Variants in FAM167A observed in about 807,000 individuals in gnomAD.
FAM167A encodes protein FAM167A.
FAM167A carries 23 observed loss-of-function variants against 14.9 expected under a neutral mutation model. That is an observed-to-expected ratio of 1.55 (90% CI 1.11 to 2.19). FAM167A has a LOEUF of 2.19. Ranked by LOEUF, FAM167A falls within the 30% of genes most tolerant of loss-of-function variation. FAM167A has a pLI of 0.00. For synonymous variants in FAM167A, 174 were observed against 117.7 expected (o/e 1.48, Z -3.10); for missense variants, 401 against 281.5 (o/e 1.42, Z -3.04).
At chr8:11,471,174 G>A (rs1248794192), upstream of FAM167A, among the ~76,000 whole-genome samples, 1 of 152,208 alleles carries the variant, frequency 6.6e-6, no homozygotes, top group African/African-American at 2.4e-5. Context: ...CTTCAGCTAG[G>A]AGAGGTGCCC....
chr8:11,435,882 G>A (rs910445683), intron 2 of FAM167A, among the ~76,000 whole-genome samples: 1 of 152,212 alleles, frequency 6.6e-6, no homozygotes, highest in African/African-American at 2.4e-5. Flanking sequence ...ACAGGACATC[G>A]AGTTCCGGAA....
At chr8:11,439,902 T>C (rs945166831) in intron 2 of FAM167A, among the ~76,000 whole-genome samples, 1 of 151,856 alleles carries the variant, frequency 6.6e-6, no homozygotes, top group African/African-American at 2.4e-5. Context: ...TCCCAGGGAG[T>C]TGGCTGATGG....
At chr8:11,456,428 A>AGTG (rs1563387496) in intron 1 of FAM167A, among the ~76,000 whole-genome samples, 3 of 18,346 alleles carry the variant, frequency 1.6e-4, no homozygotes, top group East Asian at 1.4e-3. Flanking sequence ...TGCTGGGTGT[A>AGTG]TGAGTGTGTG....
At chr8:11,433,542 A>G (rs1308526548) in intron 2 of FAM167A, among the ~76,000 whole-genome samples, 1 of 152,192 alleles carries the variant, frequency 6.6e-6, no homozygotes, top group Non-Finnish European at 1.5e-5. Flanking sequence ...AGATTTCTGG[A>G]TGCATCTTTA....
exon 1 of FAM167A, among the ~76,000 whole-genome samples, chr8:11,475,899 A>G (rs1474952505): frequency 6.6e-6 from 1 of 152,164 alleles, no homozygotes; most frequent in Non-Finnish European, 1.5e-5. Flanking sequence ...TTATCCTCCC[A>G]GTAGACTACG....
intron 2 of FAM167A, among the ~76,000 whole-genome samples, chr8:11,434,365 G>A (rs539456329): frequency 6.6e-6 from 1 of 152,162 alleles, no homozygotes; most frequent in African/African-American, 2.4e-5. Context: ...GAGGGGGGCA[G>A]GTGCAATGGC....
intron 1 of FAM167A, among the ~76,000 whole-genome samples, chr8:11,461,538 C>A (rs536726377): frequency 6.6e-6 from 1 of 152,310 alleles, no homozygotes; most frequent in South Asian, 2.1e-4. Context: ...CAGGCCGGTA[C>A]CCTGGCTATA....
intron 2 of FAM167A, among the ~76,000 whole-genome samples, chr8:11,432,359 C>G (rs1349480040): frequency 1.3e-5 from 2 of 152,184 alleles, no homozygotes; most frequent in African/African-American, 4.8e-5. Flanking sequence ...CTACAAAGAA[C>G]TTAAACAAAT....
At chr8:11,465,127 T>G (rs1237504920) in intron 1 of FAM167A, among the ~76,000 whole-genome samples, 2 of 152,144 alleles carry the variant, frequency 1.3e-5, no homozygotes, top group East Asian at 3.9e-4. Flanking sequence ...AACACAGCCT[T>G]GCAAGCTCCT....
chr8:11,433,703 G>C (rs1805779762), intron 2 of FAM167A, among the ~76,000 whole-genome samples: 1 of 152,132 alleles, frequency 6.6e-6, no homozygotes, highest in South Asian at 2.1e-4. Flanking sequence ...TTAAAGTCAG[G>C]CTCTTATCTC....
At chr8:11,469,818 T>C (rs1227191327), upstream of FAM167A, among the ~76,000 whole-genome samples, 1 of 151,706 alleles carries the variant, frequency 6.6e-6, no homozygotes, top group Non-Finnish European at 1.5e-5. Context: ...AGTTGAAGGT[T>C]GCAGTCAGCC....
At chr8:11,434,961 C>T (rs1805902308) in intron 2 of FAM167A, 1 of 448,932 alleles carries the variant, frequency 2.2e-6, no homozygotes, top group Non-Finnish European at 4.5e-6. Context: ...GCATCACTGG[C>T]ACCCACCCCT....
chr8:11,459,882 C>A (rs918255931), intron 1 of FAM167A, among the ~76,000 whole-genome samples: 1 of 152,172 alleles, frequency 6.6e-6, no homozygotes, highest in Admixed American at 6.5e-5. Context: ...CACCCACCAC[C>A]ACACCTGGCT....
intron 1 of FAM167A, among the ~76,000 whole-genome samples, chr8:11,473,592 C>T (rs1164477922): frequency 6.6e-6 from 1 of 152,142 alleles, no homozygotes; most frequent in African/African-American, 2.4e-5. Flanking sequence ...ACCTTCTTTC[C>T]CATCCCCATC....
chr8:11,430,338 C>T (rs1390256423), intron 2 of FAM167A, among the ~76,000 whole-genome samples: 1 of 152,242 alleles, frequency 6.6e-6, no homozygotes, highest in Non-Finnish European at 1.5e-5. Flanking sequence ...AGGGCGGCAG[C>T]CACACGTGGC....
intron 1 of FAM167A, among the ~76,000 whole-genome samples, chr8:11,463,383 T>A (rs996595959): frequency 2.0e-5 from 3 of 152,094 alleles, no homozygotes; most frequent in African/African-American, 7.2e-5. Flanking sequence ...GGGGGCCAGG[T>A]CCCTAAGGCA....
At chr8:11,465,740 G>A (rs1407116404) in intron 1 of FAM167A, among the ~76,000 whole-genome samples, 1 of 152,222 alleles carries the variant, frequency 6.6e-6, no homozygotes, top group Admixed American at 6.5e-5. Context: ...TTTGGAGCAT[G>A]TGCCCCTTGG....
upstream of FAM167A, among the ~76,000 whole-genome samples, chr8:11,468,118 C>G (rs566863200): frequency 3.9e-5 from 6 of 152,352 alleles, no homozygotes; most frequent in South Asian, 1.2e-3. Flanking sequence ...TCCCTTTACC[C>G]TCTCTCAGCG....
At chr8:11,445,188 G>C (rs781690704) in intron 1 of FAM167A, 194 of 985,054 alleles carry the variant, frequency 2.0e-4, no homozygotes, top group Non-Finnish European at 2.3e-4. Context: ...AGCTCAGGCT[G>C]TCTGAATCTG....
Sources: gnomAD v4.1 joint callset for allele counts (sites outside exome capture counted in the v4.1 genomes callset) on GRCh38, gnomAD v4.1.1 for gene constraint, MANE v1.5 for transcripts, NCBI Gene and HGNC (gene_info 2026-07-23, HGNC 2026-07-21) for gene names.